The following NCKIPSD variants were observed in gnomAD, a reference collection of about 807,000 sequenced individuals.
NCKIPSD encodes the protein NCK-interacting protein with SH3 domain.
In NCKIPSD, 48 loss-of-function variants were observed where a neutral mutation model predicts 73.4. That is an observed-to-expected ratio of 0.65 (90% CI 0.52 to 0.83). The LOEUF (loss-of-function observed/expected upper bound fraction) is 0.83. Among genes scored for constraint, NCKIPSD ranks in the 40% least tolerant of loss-of-function variants. The pLI, the probability that NCKIPSD is intolerant of heterozygous loss-of-function variation, is 0.00. For missense variants in NCKIPSD, 884 were observed against 970.2 expected (o/e 0.91, Z 1.18); for synonymous variants, 422 against 403.6 (o/e 1.05, Z -0.54).
intron 2 of NCKIPSD, 26 bp from the exon 3 acceptor site, chr3:48,682,578 G>T (rs565545124): frequency 1.2e-6 from 2 of 1,609,972 alleles, no homozygotes; most frequent in African/African-American, 2.7e-5. Context: ...GAAGACTATT[G>T]GGGGGTTGCA....
intron 12 of NCKIPSD, among the ~76,000 whole-genome samples, chr3:48,674,990 C>T (rs887195401): frequency 6.6e-6 from 1 of 152,116 alleles, no homozygotes; most frequent in African/African-American, 2.4e-5. Context: ...GGAAGTCCTG[C>T]CCATCCTTTG....
At position 48,682,172 on chromosome 3, in the gene NCKIPSD, A is replaced by G. The variant is rs1207151587; in HGVS notation, c.487-16T>C. 2 of 1,590,502 alleles carry G rather than the reference A, an allele frequency of 1.3e-6. No homozygotes were observed. The highest frequency in any genetic ancestry group is 1.7e-6 in the Non-Finnish European group (2 of 1,174,222). ...GAAGTGGGATCTGGAAGATGGAAGTAGGATCTTGGAGGACAGACTGACATC... is the reference window on the plus strand; with the variant it reads ...GAAGTGGGATCTGGAAGATGGAAGTGGGATCTTGGAGGACAGACTGACATC... On this transcript the variant is annotated splice_polypyrimidine_tract_variant and intron_variant, in intron 3 of 12. Transcript: ENST00000294129.
rs1323696675 is a variant in NCKIPSD, at chr3:48,679,707, G to A, written c.1357C>T (p.Arg453Ter). 5.0e-6 allele frequency: 8 copies of A among 1,613,980 alleles called. No individual in the cohort carries two copies. Among genetic ancestry groups the A allele is most frequent in the East Asian group, 2.2e-5 (1 of 44,886 alleles). ...ALVAYYQMEH[R>*]ASLRLLLLKC... ...AGGAGCAGCAGCCGCAGTGATGCTC[G>A]GTGTTCCTGGCAGGGAACCCTGCGT... The change falls in exon 8 of 13, where the codon CGA becomes TGA. Residue 453 changes from arginine (R) to a stop codon, truncating the protein, a stop_gained. Coordinates refer to ENST00000294129, the MANE Select transcript of NCKIPSD (RefSeq NM_016453.4). LOFTEE classifies it high-confidence loss of function.
Position 48,679,476 on chromosome 3 carries a change from G to T in NCKIPSD, c.1490-19C>A. The stretch of plus-strand genomic sequence containing the variant: ...TGGTGGTCTGGGGGGGACAAGGCAG[G>T]CAGTCAGAGTCCCCAAAGATGGCAG... On this transcript the variant is annotated intron_variant, in intron 8 of 12. Coordinates refer to ENST00000294129, the MANE Select transcript of NCKIPSD (RefSeq NM_016453.4). 6.2e-7 allele frequency: 1 copy of T among 1,608,050 alleles called. No homozygotes were observed. The highest frequency in any genetic ancestry group is 8.5e-7 in the Non-Finnish European group (1 of 1,175,978).
intron 5 of NCKIPSD, 82 bp downstream of exon 5, chr3:48,681,205 T>C: frequency 1.3e-6 from 2 of 1,489,340 alleles, no homozygotes; most frequent in Non-Finnish European, 1.8e-6. Context: ...GAGAAATACC[T>C]GTAATGTACA....
intron 5 of NCKIPSD, 37 bp downstream of exon 5, chr3:48,681,250 G>A (rs747984371): frequency 3.3e-6 from 5 of 1,537,454 alleles, no homozygotes; most frequent in Non-Finnish European, 4.3e-6. Context: ...GAACAGGGTG[G>A]GTAGCAGGGT....
chr3:48,674,228 A>G lies in NCKIPSD; in HGVS notation c.*316T>C. On this transcript the variant is annotated 3_prime_UTR_variant, in exon 13 of 13. Transcript: ENST00000294129. ...AGGGGTGGGGATGGGGGTCTGGTCC[A>G]GCCTGGAGCGGCAGCAGGACTCTGA... is the stretch of plus-strand genomic sequence containing the variant. 1 of 1,262,046 alleles carries G rather than the reference A, an allele frequency of 7.9e-7. No homozygotes were observed. The highest frequency in any genetic ancestry group is 1.0e-6 in the Non-Finnish European group (1 of 992,508). 78.2% of individuals were successfully genotyped at this position (1,262,046 alleles called of 1,614,324 possible).
intron 12 of NCKIPSD, among the ~76,000 whole-genome samples, chr3:48,676,922 C>G (rs371801318): frequency 5.3e-5 from 8 of 152,090 alleles, no homozygotes; most frequent in Non-Finnish European, 7.4e-5. Flanking sequence ...AGGCTCCCAC[C>G]ACCATACCCA....
rs757738460 is a variant in NCKIPSD at position 48,682,138 on chromosome 3, G to GGGAAGATGGAAGTGGGATCT, written c.487-2_504dup (p.Gln169ArgfsTer25). On this transcript the variant is annotated frameshift_variant, in exon 4 of 13. Transcript: ENST00000294129. LOFTEE classifies it high-confidence loss of function. ...GCTCGGCGAGGCTGTGGTGGGATCTGGGAAGATGGAAGTGGGATCTGGAAG... is the reference window on the plus strand; with the variant it reads ...GCTCGGCGAGGCTGTGGTGGGATCTGGGAAGATGGAAGTGGGATCTGGAAGATGGAAGTGGGATCTGGAAG... The GGGAAGATGGAAGTGGGATCT allele has an allele frequency of 5.6e-6, 9 of 1,598,388 alleles. No homozygotes were observed. In the African/African-American group the frequency reaches 8.0e-5, roughly 14 times the overall value.
chr3:48,681,638 G>T lies in NCKIPSD; in HGVS notation c.741C>A (p.Pro247=). 2.5e-6 allele frequency: 4 copies of T among 1,612,828 alleles called. No homozygotes were observed. The highest frequency in any genetic ancestry group is 3.4e-6 in the Non-Finnish European group (4 of 1,179,410). ...SSCSPTPPPV[P]RRGTHTTVSQ... ...ACACGGTGGTGTGGGTGCCTCGGCGGGGCACAGGTGGGGGTGTGGGTGAGC... is the reference window on the plus strand; with the variant it reads ...ACACGGTGGTGTGGGTGCCTCGGCGTGGCACAGGTGGGGGTGTGGGTGAGC... Residue 247 remains proline, a synonymous_variant, in exon 5 of 13, where the codon CCC becomes CCA. Coordinates refer to ENST00000294129, the MANE Select transcript of NCKIPSD (RefSeq NM_016453.4).
In NCKIPSD at chr3:48,685,746, C is replaced by A; in HGVS notation, c.62G>T (p.Gly21Val). ...TCGCTCTAGCACCAGGAAGGTCTCG[C>A]CCGCGGCGAACGCCAGCGCGTTGGG... ...AEPNALAFAA[G>V]ETFLVLERSS... Residue 21 changes from glycine to valine, a missense_variant, in exon 1 of 13, where the codon GGC (glycine) becomes GTC (valine). Gly to Val is a moderately radical substitution (Grantham distance 109, BLOSUM62 -3). Coordinates refer to ENST00000294129, the MANE Select transcript of NCKIPSD (RefSeq NM_016453.4). 6.5e-7 allele frequency: 1 copy of A among 1,532,370 alleles called. No homozygotes were observed. The highest frequency in any genetic ancestry group is 8.7e-7 in the Non-Finnish European group (1 of 1,147,822). The allele number at this position is 1,532,370 out of a possible 1,614,324, so 94.9% of individuals were successfully genotyped here.
intron 12 of NCKIPSD, among the ~76,000 whole-genome samples, chr3:48,676,242 G>C (rs2077254797): frequency 6.6e-6 from 1 of 152,046 alleles, no homozygotes; most frequent in Admixed American, 6.6e-5. Context: ...GCTTCATAGA[G>C]AATACAGAAG....
chr3:48,682,025 C>G lies in NCKIPSD; in HGVS notation c.598+20G>C, dbSNP rs771260752. The G allele has an allele frequency of 1.9e-6, 3 of 1,596,546 alleles. No homozygotes were observed. In the Admixed American group the frequency reaches 5.1e-5, roughly 27 times the overall value. On this transcript the variant is annotated intron_variant, in intron 4 of 12. Transcript: ENST00000294129. Reference sequence around the variant, plus strand: ...GCATAGGGTGCCTCCACCTGAATTCCCCTAACCCTGCCTTCTTACCACTCC... The same window carrying G: ...GCATAGGGTGCCTCCACCTGAATTCGCCTAACCCTGCCTTCTTACCACTCC...
In NCKIPSD at chr3:48,679,060, A is replaced by C. The variant is rs1431823069; in HGVS notation, c.1694T>G (p.Leu565Arg). The change falls in exon 10 of 13, where the codon CTG (leucine) becomes CGG (arginine). Residue 565 changes from leucine to arginine, a missense_variant. Physicochemically the swap from Leu to Arg is moderately radical, Grantham distance 102 (BLOSUM62 -2). Coordinates refer to ENST00000294129, the MANE Select transcript of NCKIPSD (RefSeq NM_016453.4). ...VNLLLALNLHLPAADQNVIMA... is the reference protein window; with the variant it reads ...VNLLLALNLHRPAADQNVIMA... The stretch of plus-strand genomic sequence containing the variant: ...CCAGCCAGGCCCCACCCCACCTGGC[A>C]GGTGCAGGTTGAGAGCCAGAAGCAG... The C allele has an allele frequency of 1.9e-6, 3 of 1,614,170 alleles. No homozygotes were observed.
chr3:48,684,312 C>T (rs1438409445), intron 1 of NCKIPSD, among the ~76,000 whole-genome samples: 1 of 152,204 alleles, frequency 6.6e-6, no homozygotes, highest in African/African-American at 2.4e-5. Flanking sequence ...TGGCTGGCGG[C>T]AGGGGACTCA....
chr3:48,679,236 A>G, intron 9 of NCKIPSD, 53 bp from the exon 10 acceptor site: 1 of 1,604,488 alleles, frequency 6.2e-7, no homozygotes, highest in South Asian at 1.1e-5. Flanking sequence ...CGACCCCCGC[A>G]CCACCCACCC....
chr3:48,682,813 C>A, intron 2 of NCKIPSD, 90 bp downstream of exon 2: 1 of 1,491,108 alleles, frequency 6.7e-7, no homozygotes, highest in Non-Finnish European at 9.0e-7. Flanking sequence ...CCTCGCATTT[C>A]CCAGGCCCAC....
intron 12 of NCKIPSD, among the ~76,000 whole-genome samples, 187 bp from the exon 13 acceptor site, chr3:48,674,934 C>T (rs9873726): frequency 0.21 from 31,293 of 151,944 alleles, 4,803 homozygotes; most frequent in African/African-American, 0.44. Context: ...AGCGAATAAA[C>T]GAATCATCCC....
At chr3:48,676,265 A>C (rs1300510556) in intron 12 of NCKIPSD, among the ~76,000 whole-genome samples, 2 of 152,156 alleles carry the variant, frequency 1.3e-5, no homozygotes, top group African/African-American at 4.8e-5. Context: ...ATCTTGCAGA[A>C]ACCCGTCTTT....
Sources: allele counts gnomAD v4.1 joint callset (sites outside exome capture counted in the v4.1 genomes callset), GRCh38; gene constraint gnomAD v4.1.1; transcripts MANE v1.5; gene names NCBI Gene and HGNC (gene_info 2026-07-23, HGNC 2026-07-21).